The following SLC8A1 variants were observed in gnomAD, a reference collection of about 807,000 sequenced individuals.
The protein encoded by SLC8A1 is solute carrier family 8 member A1.
A neutral mutation model predicts 68.3 loss-of-function variants in SLC8A1; 18 were observed. That is an observed-to-expected ratio of 0.26 (90% CI 0.18 to 0.39). The LOEUF (loss-of-function observed/expected upper bound fraction) is 0.39. SLC8A1 is among the 10% of genes least tolerant of loss of function. SLC8A1 has a pLI of 1.00. For synonymous variants in SLC8A1, 475 were observed against 415.5 expected, an observed-to-expected ratio of 1.14 and a Z score of -1.74; for missense variants, 985 against 1,156.7, an observed-to-expected ratio of 0.85 and a Z score of 2.15.
chr2:40,352,463 CT>C (rs1291678093), intron 2 of SLC8A1, among the ~76,000 whole-genome samples: 1 of 152,170 alleles, frequency 6.6e-6, no homozygotes, highest in Non-Finnish European at 1.5e-5. Context: ...GTTGAGTTCT[CT>C]TTCTATAATC....
intron 2 of SLC8A1, among the ~76,000 whole-genome samples, chr2:40,196,488 C>T (rs748291387): frequency 2.5e-4 from 38 of 151,938 alleles, no homozygotes; most frequent in Non-Finnish European, 5.4e-4. Context: ...CTTGCATTTC[C>T]TGTGAAGCTT....
intron 2 of SLC8A1, among the ~76,000 whole-genome samples, chr2:40,199,581 G>T (rs2053740975): frequency 6.6e-6 from 1 of 151,544 alleles, no homozygotes; most frequent in Non-Finnish European, 1.5e-5. Flanking sequence ...TTGTGGCAAA[G>T]ATCCCTCTTT....
chr2:40,398,371 G>T (rs1259448345), intron 2 of SLC8A1, among the ~76,000 whole-genome samples: 1 of 152,108 alleles, frequency 6.6e-6, no homozygotes, highest in Non-Finnish European at 1.5e-5. Context: ...ATATGTCATG[G>T]TACTGTCTTG....
At chr2:40,407,826 G>A (rs1179781191) in intron 2 of SLC8A1, among the ~76,000 whole-genome samples, 1 of 152,200 alleles carries the variant, frequency 6.6e-6, no homozygotes, top group African/African-American at 2.4e-5. Flanking sequence ...ATGGTCAAGA[G>A]GAGTTGCATT....
At chr2:40,384,869 G>A (rs1436313882) in intron 2 of SLC8A1, among the ~76,000 whole-genome samples, 11 of 151,956 alleles carry the variant, frequency 7.2e-5, no homozygotes, top group Admixed American at 7.2e-4. Context: ...ATGAGTCAAG[G>A]CTTTACTTGT....
At chr2:40,313,837 A>C (rs1156838471) in intron 2 of SLC8A1, among the ~76,000 whole-genome samples, 1 of 152,024 alleles carries the variant, frequency 6.6e-6, no homozygotes, top group Non-Finnish European at 1.5e-5. Flanking sequence ...TATTTTCTTT[A>C]GTGAAATATC....
chr2:40,138,631 G>C (rs868316932), intron 7 of SLC8A1, among the ~76,000 whole-genome samples: 2 of 152,166 alleles, frequency 1.3e-5, no homozygotes, highest in Admixed American at 1.3e-4. Flanking sequence ...GTCACTCCTA[G>C]ATCTTCCAGA....
intron 1 of SLC8A1, among the ~76,000 whole-genome samples, chr2:40,491,664 A>T (rs1435798441): frequency 6.6e-6 from 1 of 152,046 alleles, no homozygotes; most frequent in African/African-American, 2.4e-5. Flanking sequence ...ATCAATACCT[A>T]ATTTATTGAG....
chr2:40,367,778 CT>C (rs1415078415), intron 2 of SLC8A1, among the ~76,000 whole-genome samples: 1 of 152,010 alleles, frequency 6.6e-6, no homozygotes, highest in Non-Finnish European at 1.5e-5. Context: ...TACACCCCTT[CT>C]GTTAAAATGC....
chr2:40,478,662 C>G (rs1704441307), intron 1 of SLC8A1, among the ~76,000 whole-genome samples: 1 of 151,900 alleles, frequency 6.6e-6, no homozygotes, highest in African/African-American at 2.4e-5. Context: ...TCCAAAATCT[C>G]TCATAGACCT....
chr2:40,104,349 A>T (rs1358948569), exon 8 of SLC8A1: 1 of 152,218 alleles, frequency 6.6e-6, no homozygotes, highest in African/African-American at 2.4e-5. Context: ...TTGTAATAAG[A>T]TTTTCCCAAC....
intron 2 of SLC8A1, among the ~76,000 whole-genome samples, chr2:40,392,449 A>G (rs1177165000): frequency 3.3e-5 from 5 of 152,132 alleles, no homozygotes; most frequent in Non-Finnish European, 5.9e-5. Context: ...TTTAGGAAAC[A>G]TAAATATTTA....
chr2:40,447,427 C>T (rs1246957638), intron 1 of SLC8A1, among the ~76,000 whole-genome samples: 1 of 152,068 alleles, frequency 6.6e-6, no homozygotes, highest in Non-Finnish European at 1.5e-5. Context: ...AGCCCCATTC[C>T]TGGGCACTCA....
At chr2:40,323,165 G>C (rs1373033972) in intron 2 of SLC8A1, among the ~76,000 whole-genome samples, 2 of 152,108 alleles carry the variant, frequency 1.3e-5, no homozygotes, top group Admixed American at 1.3e-4. Flanking sequence ...AGCTTCCAGT[G>C]TCTTTATCAT....
At position 40,098,258 on chromosome 2, in the gene SLC8A1, C is replaced by T. The variant is rs567420039; in HGVS notation, c.*16995G>A. 3.3e-5 allele frequency: 5 copies of T among 152,118 alleles called. No homozygotes were observed. In the East Asian group the frequency reaches 9.6e-4, roughly 29 times the overall value. The allele number at this position is 152,118 out of a possible 1,614,324, so 9.4% of individuals were successfully genotyped here. A position where few individuals can be genotyped will look rare whatever the true frequency, so the allele number is the denominator to read the frequency against. The stretch of plus-strand genomic sequence containing the variant: ...AGTCAACAAAGTAACATCTAATTTA[C>T]AACAGATTACTTTTAAAATTCAAAT... On this transcript the variant is annotated 3_prime_UTR_variant, in exon 8 of 8. Transcript: ENST00000406785.
intron 2 of SLC8A1, among the ~76,000 whole-genome samples, chr2:40,243,155 A>C (rs2061424714): frequency 6.6e-6 from 1 of 152,104 alleles, no homozygotes; most frequent in Non-Finnish European, 1.5e-5. Context: ...GAAACCCCTA[A>C]ATCTTTAACT....
At chr2:40,478,682 A>G (rs987305353) in intron 1 of SLC8A1, among the ~76,000 whole-genome samples, 3 of 151,990 alleles carry the variant, frequency 2.0e-5, no homozygotes, top group African/African-American at 7.3e-5. Flanking sequence ...TAAGTTTTTA[A>G]TTTGACTTTT....
intron 2 of SLC8A1, among the ~76,000 whole-genome samples, chr2:40,396,600 G>C (rs1559513639): frequency 1.3e-5 from 2 of 151,442 alleles, no homozygotes; most frequent in Non-Finnish European, 2.9e-5. Flanking sequence ...AGTTGGCAAT[G>C]AAAAAAATGT....
intron 2 of SLC8A1, among the ~76,000 whole-genome samples, chr2:40,393,218 C>T (rs1047010515): frequency 8.6e-5 from 13 of 151,762 alleles, no homozygotes; most frequent in East Asian, 5.8e-4. Context: ...CTGAAAATTC[C>T]GAAAGTACAA....
Sources: allele counts gnomAD v4.1 joint callset (sites outside exome capture counted in the v4.1 genomes callset), GRCh38; gene constraint gnomAD v4.1.1; transcripts MANE v1.5; gene names NCBI Gene and HGNC (gene_info 2026-07-23, HGNC 2026-07-21).